Variants in CDC73 observed in about 807,000 individuals in gnomAD.
CDC73 encodes parafibromin.
Under a neutral mutation model 83.7 loss-of-function variants are expected in CDC73, and 21 were observed. The observed-to-expected ratio is 0.25, with a 90% CI of 0.18 to 0.36. The LOEUF (loss-of-function observed/expected upper bound fraction) is 0.36, where lower values mean the gene tolerates loss of function less well. Among genes scored for constraint, CDC73 ranks in the 10% least tolerant of loss-of-function variants. The pLI is 1.00. For missense variants in CDC73, 342 were observed against 653.3 expected (o/e 0.52, Z 5.19); for synonymous variants, 224 against 212.9 (o/e 1.05, Z -0.45).
chr1:193,165,349 A>G (rs1676418531), intron 10 of CDC73, among the ~76,000 whole-genome samples: 2 of 152,246 alleles, frequency 1.3e-5, no homozygotes, highest in African/African-American at 4.8e-5. Context: ...TGCAGTCAAT[A>G]TGAGTAAAAA....
At chr1:193,228,549 A>G (rs983252857) in intron 13 of CDC73, among the ~76,000 whole-genome samples, 1 of 152,206 alleles carries the variant, frequency 6.6e-6, no homozygotes, top group Non-Finnish European at 1.5e-5. Context: ...CGACAAAGAC[A>G]TCAATGCAAT....
intron 1 of CDC73, 109 bp downstream of exon 1, chr1:193,122,440 G>T: frequency 7.2e-7 from 1 of 1,391,474 alleles, no homozygotes; most frequent in Non-Finnish European, 1.0e-6. Context: ...GGGATAAAAC[G>T]GGTGTTCGGG....
At chr1:193,151,694 A>C (rs1676114325) in intron 9 of CDC73, among the ~76,000 whole-genome samples, 1 of 152,180 alleles carries the variant, frequency 6.6e-6, no homozygotes, top group Non-Finnish European at 1.5e-5. Context: ...AGGTGGAGGC[A>C]GGAGGATTGC....
intron 10 of CDC73, among the ~76,000 whole-genome samples, chr1:193,199,609 T>C (rs2103174518): frequency 6.8e-6 from 1 of 147,580 alleles, no homozygotes; most frequent in African/African-American, 2.5e-5. Context: ...GCTACTTGAG[T>C]GGCTCAAGCA....
At chr1:193,140,402 C>G (rs1675884472) in intron 6 of CDC73, among the ~76,000 whole-genome samples, 2 of 152,198 alleles carry the variant, frequency 1.3e-5, no homozygotes, top group Admixed American at 1.3e-4. Context: ...CCCATCCACC[C>G]TCTGGGGATA....
intron 3 of CDC73, among the ~76,000 whole-genome samples, chr1:193,134,497 C>T (rs955610514): frequency 3.9e-5 from 6 of 151,946 alleles, no homozygotes; most frequent in Non-Finnish European, 8.8e-5. Flanking sequence ...GGTGAAACCC[C>T]GTCTCTACTA....
At chr1:193,128,993 ATTTTTTT>A (rs756040512) in intron 2 of CDC73, among the ~76,000 whole-genome samples, 6 of 128,940 alleles carry the variant, frequency 4.7e-5, no homozygotes, top group South Asian at 2.4e-4. Context: ...CGCCCGGCTA[ATTTTTTT>A]TTTTTTTTTT....
chr1:193,239,165 A>G (rs936017549), intron 15 of CDC73, among the ~76,000 whole-genome samples: 2 of 151,970 alleles, frequency 1.3e-5, no homozygotes, highest in African/African-American at 2.4e-5. Context: ...ATCAAACTCA[A>G]CCTTTTCCAA....
In CDC73 at chr1:193,254,327, TACA is replaced by T. The variant is rs1343659299; in HGVS notation, c.*3619_*3621del. On this transcript the variant is annotated 3_prime_UTR_variant, in exon 17 of 17. Coordinates refer to ENST00000367435, the MANE Select transcript of CDC73 (RefSeq NM_024529.5). Reference sequence around the variant, plus strand: ...CAGCTGCTCTGTTTCTTTAAAAAAGTACAACATGAAAATTTAATTACATTAGCC... The same window carrying T: ...CAGCTGCTCTGTTTCTTTAAAAAAGTACATGAAAATTTAATTACATTAGCC... 2.0e-5 allele frequency among the ~76,000 whole-genome samples: 3 copies of T among 152,066 alleles called. No individual in the cohort carries two copies. The highest frequency in any genetic ancestry group is 4.4e-5 in the Non-Finnish European group (3 of 67,920).
At chr1:193,141,681 A>G (rs1394167516) in intron 6 of CDC73, among the ~76,000 whole-genome samples, 169 bp from the exon 7 acceptor site, 1 of 152,214 alleles carries the variant, frequency 6.6e-6, no homozygotes, top group Non-Finnish European at 1.5e-5. Context: ...TGAATTCTTT[A>G]TAAAAATTTT....
chr1:193,200,476 C>T (rs377214627), intron 10 of CDC73, among the ~76,000 whole-genome samples: 4 of 152,144 alleles, frequency 2.6e-5, no homozygotes, highest in South Asian at 2.1e-4. Flanking sequence ...TTTTATTCTT[C>T]GCAAATGTGG....
intron 14 of CDC73, among the ~76,000 whole-genome samples, chr1:193,233,727 AAG>A (rs1368824718): frequency 6.6e-6 from 1 of 151,536 alleles, no homozygotes; most frequent in African/African-American, 2.4e-5. Flanking sequence ...ATTTTCTGGT[AAG>A]AAAAAAATGA....
At chr1:193,183,882 G>A (rs1270316270) in intron 10 of CDC73, among the ~76,000 whole-genome samples, 2 of 151,564 alleles carry the variant, frequency 1.3e-5, no homozygotes, top group African/African-American at 4.9e-5. Context: ...ATTTGATGGT[G>A]TAAGAAGGAG....
chr1:193,199,608 G>T (rs913242106), intron 10 of CDC73, among the ~76,000 whole-genome samples: 1 of 151,060 alleles, frequency 6.6e-6, no homozygotes, highest in Admixed American at 6.6e-5. Context: ...AGCTACTTGA[G>T]TGGCTCAAGC....
At chr1:193,206,969 T>A (rs977489478) in intron 11 of CDC73, among the ~76,000 whole-genome samples, 2 of 152,168 alleles carry the variant, frequency 1.3e-5, no homozygotes, top group African/African-American at 4.8e-5. Context: ...TGTTTTCCAG[T>A]GGATTCATAA....
chr1:193,163,037 A>G (rs1351601824), intron 10 of CDC73, among the ~76,000 whole-genome samples: 1 of 152,108 alleles, frequency 6.6e-6, no homozygotes, highest in Non-Finnish European at 1.5e-5. Context: ...TAGCTACACA[A>G]GGTATTTCAC....
chr1:193,206,632 A>G (rs1677193183), intron 11 of CDC73, among the ~76,000 whole-genome samples: 1 of 152,256 alleles, frequency 6.6e-6, no homozygotes, highest in Middle Eastern at 3.4e-3. Flanking sequence ...AATGCCCAAA[A>G]TATATATGGC....
chr1:193,149,974 AT>A (rs1418178603), intron 8 of CDC73, among the ~76,000 whole-genome samples: 1 of 152,100 alleles, frequency 6.6e-6, no homozygotes, highest in Non-Finnish European at 1.5e-5. Context: ...AGGGAAGAGT[AT>A]TATGTCGTAA....
chr1:193,209,866 C>G (rs943014222), intron 11 of CDC73, among the ~76,000 whole-genome samples: 5 of 152,034 alleles, frequency 3.3e-5, no homozygotes, highest in Admixed American at 3.3e-4. Context: ...TTCTTCTTCC[C>G]TCTCTTCCTC....
Sources: allele counts gnomAD v4.1 joint callset (sites outside exome capture counted in the v4.1 genomes callset), GRCh38; gene constraint gnomAD v4.1.1; transcripts MANE v1.5; gene names NCBI Gene and HGNC (gene_info 2026-07-23, HGNC 2026-07-21).